DACH2: variants seen among roughly 807,000 people sequenced by gnomAD.
DACH2 encodes the protein dachshund family transcription factor 2, also known as dachshund homolog 2.
Under a neutral mutation model 35.8 loss-of-function variants are expected in DACH2, and 17 were observed. The ratio of observed to expected loss-of-function variants is 0.48; its 90% CI spans 0.33 to 0.71. The LOEUF is 0.71. Among genes scored for constraint, DACH2 ranks in the 30% least tolerant of loss-of-function variants. The pLI, the probability that DACH2 is intolerant of heterozygous loss-of-function variation, is 0.02. For synonymous variants in DACH2, 195 were observed against 177.3 expected (o/e 1.10, Z -0.79); for missense variants, 469 against 472.7 (o/e 0.99, Z 0.07).
At chrX:86,766,930 C>A (rs2041940997) in intron 7 of DACH2, among the ~76,000 whole-genome samples, 1 of 111,298 alleles carries the variant, frequency 9.0e-6, no homozygotes, top group African/African-American at 3.3e-5. Context: ...AGCTGATGAG[C>A]AAATCAGCCT....
chrX:86,185,158 C>T (rs1403779773), intron 1 of DACH2, among the ~76,000 whole-genome samples: 1 of 111,436 alleles, frequency 9.0e-6, no homozygotes, highest in Non-Finnish European at 1.9e-5. Flanking sequence ...TAACCTGCAC[C>T]TGTTTTATCT....
At chrX:86,262,917 A>G (rs2033652102) in intron 1 of DACH2, 1 of 591,908 alleles carries the variant, frequency 1.7e-6, no homozygotes, top group African/African-American at 2.5e-5. Flanking sequence ...AAAGAAACAA[A>G]CAATCTCAGT....
chrX:86,277,031 A>G (rs1490329037), intron 1 of DACH2, among the ~76,000 whole-genome samples: 2 of 111,575 alleles, frequency 1.8e-5, no homozygotes, highest in East Asian at 5.6e-4. Context: ...TGTAGTTCCA[A>G]ATAAACTTTA....
At chrX:86,348,867 A>G (rs1295154790) in intron 1 of DACH2, among the ~76,000 whole-genome samples, 3 of 112,440 alleles carry the variant, frequency 2.7e-5, no homozygotes, top group Non-Finnish European at 5.6e-5. Context: ...CGCTGCTCAT[A>G]ACCCCTAGGG....
intron 11 of DACH2, chrX:86,830,048 A>C (rs1376488938): frequency 9.0e-6 from 1 of 111,577 alleles, no homozygotes; most frequent in East Asian, 2.8e-4. Context: ...TTCCTAATGA[A>C]GCGAGCACAC....
At chrX:86,367,601 T>A (rs1391917945) in intron 1 of DACH2, among the ~76,000 whole-genome samples, 1 of 111,231 alleles carries the variant, frequency 9.0e-6, no homozygotes, top group African/African-American at 3.3e-5. Context: ...TCATTCAACC[T>A]TGGTTTTACA....
At chrX:86,186,290 G>A (rs1249122851) in intron 1 of DACH2, among the ~76,000 whole-genome samples, 1 of 112,488 alleles carries the variant, frequency 8.9e-6, no homozygotes, top group Non-Finnish European at 1.9e-5. Flanking sequence ...TGCATTTCAG[G>A]GAGATGATAG....
intron 7 of DACH2, among the ~76,000 whole-genome samples, chrX:86,787,431 A>G (rs2042147814): frequency 9.0e-6 from 1 of 110,649 alleles, no homozygotes; most frequent in African/African-American, 3.3e-5. Flanking sequence ...CCTGGCTAAC[A>G]TGGCAGAACC....
intron 1 of DACH2, among the ~76,000 whole-genome samples, chrX:86,328,916 C>G (rs1017835508): frequency 8.9e-6 from 1 of 111,947 alleles, no homozygotes; most frequent in Non-Finnish European, 1.9e-5. Context: ...TCTCTCTTAT[C>G]TACATGCCTC....
intron 4 of DACH2, among the ~76,000 whole-genome samples, chrX:86,653,706 C>T (rs1389554580): frequency 8.1e-5 from 8 of 99,308 alleles, no homozygotes; most frequent in African/African-American, 3.0e-4. Context: ...CACTCTATCA[C>T]CCAGGCTGGA....
intron 5 of DACH2, among the ~76,000 whole-genome samples, chrX:86,711,716 G>T (rs1265380491): frequency 8.9e-6 from 1 of 112,310 alleles, no homozygotes; most frequent in Non-Finnish European, 1.9e-5. Flanking sequence ...GGCCTGTTAT[G>T]TAAGTACTAG....
chrX:86,287,171 A>T (rs2047391909), intron 1 of DACH2, among the ~76,000 whole-genome samples: 1 of 50,197 alleles, frequency 2.0e-5, no homozygotes, highest in African/African-American at 1.3e-4. Context: ...TAGGGTAAAT[A>T]TATTTTTTTC....
chrX:86,264,559 C>T (rs2033679420), intron 1 of DACH2, among the ~76,000 whole-genome samples: 2 of 111,427 alleles, frequency 1.8e-5, no homozygotes, highest in African/African-American at 6.5e-5. Context: ...TACTAAAAGC[C>T]TGATATCTTT....
intron 1 of DACH2, among the ~76,000 whole-genome samples, chrX:86,167,524 T>A (rs2030982926): frequency 1.8e-5 from 2 of 111,595 alleles, no homozygotes; most frequent in South Asian, 7.3e-4. Flanking sequence ...AGATCTTTTG[T>A]TTTCTAAAAT....
At chrX:86,258,632 G>A (rs1308295572) in intron 1 of DACH2, among the ~76,000 whole-genome samples, 2 of 111,545 alleles carry the variant, frequency 1.8e-5, no homozygotes, top group Non-Finnish European at 3.8e-5. Flanking sequence ...GAAGCTAGCC[G>A]TGAGACTGTG....
At chrX:86,418,892 C>A (rs1259618791) in intron 2 of DACH2, among the ~76,000 whole-genome samples, 1 of 112,031 alleles carries the variant, frequency 8.9e-6, no homozygotes, top group Non-Finnish European at 1.9e-5. Context: ...GCCCAAGTCA[C>A]CCCTTGAATG....
At chrX:86,306,862 A>G (rs2034698740) in intron 1 of DACH2, among the ~76,000 whole-genome samples, 1 of 111,562 alleles carries the variant, frequency 9.0e-6, no homozygotes, top group African/African-American at 3.3e-5. Context: ...GGGTGATTCT[A>G]GAGGAACATA....
chrX:86,606,966 T>G (rs1667288038), intron 3 of DACH2, among the ~76,000 whole-genome samples: 1 of 112,164 alleles, frequency 8.9e-6, no homozygotes, highest in Admixed American at 9.4e-5. Flanking sequence ...TTGTCTATTT[T>G]TATAGTTCTT....
chrX:86,682,897 ATAAAAT>A (rs1252348963), intron 4 of DACH2, among the ~76,000 whole-genome samples: 3 of 111,205 alleles, frequency 2.7e-5, no homozygotes, highest in Non-Finnish European at 5.7e-5. Context: ...ATTTTTGGTG[ATAAAAT>A]TAGAATTATT....
Sources: gnomAD v4.1 joint callset for allele counts (sites outside exome capture counted in the v4.1 genomes callset) on GRCh38, gnomAD v4.1.1 for gene constraint, MANE v1.5 for transcripts, NCBI Gene and HGNC (gene_info 2026-07-23, HGNC 2026-07-21) for gene names.